Variants in CAPN6 observed in about 807,000 individuals in gnomAD.
CAPN6 encodes calpain 6.
Under a neutral mutation model 46.0 loss-of-function variants are expected in CAPN6, and 16 were observed. The observed-to-expected ratio is 0.35, with a 90% CI of 0.24 to 0.53. CAPN6 has a LOEUF of 0.53. Among genes scored for constraint, CAPN6 ranks in the 20% least tolerant of loss-of-function variants. The probability of loss-of-function intolerance (pLI) is 0.94; values close to 1 mark genes in which losing one functional copy is unlikely to be tolerated. For missense variants in CAPN6, 461 were observed against 498.0 expected (o/e 0.93, Z 0.71); for synonymous variants, 206 against 172.8 (o/e 1.19, Z -1.51).
chrX:111,262,692 A>G (rs188253742), intron 2 of CAPN6, among the ~76,000 whole-genome samples: 7 of 112,072 alleles, frequency 6.2e-5, no homozygotes, highest in African/African-American at 2.3e-4. Context: ...CCCTTTAGGT[A>G]TAGCAAGGTT....
intron 2 of CAPN6, among the ~76,000 whole-genome samples, chrX:111,260,456 CCAGTTAAGTGTG>C (rs2094987058): frequency 8.9e-6 from 1 of 112,736 alleles, no homozygotes; most frequent in Non-Finnish European, 1.9e-5. Context: ...GAAAATAGCC[CCAGTTAAGTGTG>C]CAGCTACATG....
chrX:111,247,411 G>A lies in CAPN6; in HGVS notation c.1700C>T (p.Ala567Val). The A allele has an allele frequency of 1.7e-6, 2 of 1,208,566 alleles. No individual in the cohort carries two copies. The highest frequency in any genetic ancestry group is 2.2e-6 in the Non-Finnish European group (2 of 893,617). Residue 567 changes from alanine (A) to valine (V), a missense_variant, in exon 12 of 13, where the codon GCC becomes GTC. Transcript: ENST00000324068. Reference sequence around the variant, plus strand: ...GTCAGTGGTCCTTCTGTAGAAAATGGCCTGGGTGTCAAAAATGGCATGAAC... The same window carrying A: ...GTCAGTGGTCCTTCTGTAGAAAATGACCTGGGTGTCAAAAATGGCATGAAC... ...NTVHAIFDTQ[A>V]IFYRRTTDIP...
chrX:111,265,908 C>T (rs1427950160), intron 1 of CAPN6, among the ~76,000 whole-genome samples: 1 of 111,433 alleles, frequency 9.0e-6, no homozygotes, highest in Non-Finnish European at 1.9e-5. Flanking sequence ...TGTGTACAGA[C>T]AGAAGTAGCA....
intron 2 of CAPN6, among the ~76,000 whole-genome samples, chrX:111,262,878 T>G (rs1302892612): frequency 1.8e-5 from 2 of 111,879 alleles, no homozygotes; most frequent in Non-Finnish European, 3.8e-5. Flanking sequence ...GACCTACAAT[T>G]CTACTTGAAG....
intron 2 of CAPN6, among the ~76,000 whole-genome samples, chrX:111,257,906 T>C (rs762838291): frequency 8.9e-6 from 1 of 111,779 alleles, no homozygotes; most frequent in South Asian, 3.8e-4. Flanking sequence ...AATGATTTCT[T>C]AGGAAGAAAC....
chrX:111,267,088 A>G (rs1185705903), intron 1 of CAPN6, among the ~76,000 whole-genome samples: 2 of 111,845 alleles, frequency 1.8e-5, no homozygotes, highest in Non-Finnish European at 3.8e-5. Flanking sequence ...TTTCTGTTCT[A>G]TTGCACCCGA....
intron 2 of CAPN6, among the ~76,000 whole-genome samples, chrX:111,257,357 A>T (rs2094984687): frequency 8.9e-6 from 1 of 112,221 alleles, no homozygotes; most frequent in African/African-American, 3.2e-5. Flanking sequence ...TCCAGGATGA[A>T]TATCACTAAT....
intron 11 of CAPN6, among the ~76,000 whole-genome samples, 178 bp from the exon 12 acceptor site, chrX:111,247,682 A>G (rs1170758402): frequency 8.9e-6 from 1 of 111,846 alleles, no homozygotes; most frequent in Non-Finnish European, 1.9e-5. Flanking sequence ...TTTATATAGG[A>G]ATATGAAAAT....
At chrX:111,259,535 T>C (rs1307723541) in intron 2 of CAPN6, among the ~76,000 whole-genome samples, 1 of 112,099 alleles carries the variant, frequency 8.9e-6, no homozygotes, top group Non-Finnish European at 1.9e-5. Context: ...TGCCTTTCCC[T>C]TCCATTCCTA....
chrX:111,246,358 G>A lies in CAPN6; in HGVS notation c.*219C>T. 2.4e-6 allele frequency: 1 copy of A among 413,433 alleles called. No homozygotes were observed. The allele number at this position is 413,433 out of a possible 1,213,427, so 34.1% of individuals were successfully genotyped here. A position where few individuals can be genotyped will look rare whatever the true frequency, so the allele number is the denominator to read the frequency against. On this transcript the variant is annotated 3_prime_UTR_variant, in exon 13 of 13. Coordinates refer to ENST00000324068, the MANE Select transcript of CAPN6 (RefSeq NM_014289.4). Reference sequence around the variant, plus strand: ...GCAAATGTGTATGATGTCTAGATAGGACTGTCGCCTCCCCATGTCCAGCTG... The same window carrying A: ...GCAAATGTGTATGATGTCTAGATAGAACTGTCGCCTCCCCATGTCCAGCTG...
intron 4 of CAPN6, 91 bp downstream of exon 4, chrX:111,252,917 G>T: frequency 1.3e-6 from 1 of 750,748 alleles, no homozygotes; most frequent in Non-Finnish European, 2.0e-6. Flanking sequence ...AAACTCCAGG[G>T]TTGGGCTGGG....
At chrX:111,268,572 T>C (rs2094993701) in intron 1 of CAPN6, among the ~76,000 whole-genome samples, 2 of 112,807 alleles carry the variant, frequency 1.8e-5, no homozygotes, top group Non-Finnish European at 3.7e-5. Flanking sequence ...TAATGAAATT[T>C]GATCATGTGC....
intron 11 of CAPN6, 35 bp downstream of exon 11, chrX:111,247,836 A>T: frequency 8.3e-7 from 1 of 1,197,715 alleles, no homozygotes; most frequent in Non-Finnish European, 1.1e-6. Flanking sequence ...AATGCAACTG[A>T]ATTTTGCTTT....
At chrX:111,258,183 A>AT (rs999613047) in intron 2 of CAPN6, among the ~76,000 whole-genome samples, 27 of 111,285 alleles carry the variant, frequency 2.4e-4, no homozygotes, top group South Asian at 7.6e-4. Context: ...CAAATTCAGC[A>AT]TTTTTTTTAC....
At chrX:111,263,710 G>A in intron 2 of CAPN6, 62 bp downstream of exon 2, 1 of 999,060 alleles carries the variant, frequency 1.0e-6, no homozygotes, top group African/African-American at 1.9e-5. Context: ...GTGAAACAGT[G>A]GATCACGTAG....
chrX:111,251,492 G>A (rs139069057), intron 6 of CAPN6, 57 bp downstream of exon 6: 1 of 1,030,262 alleles, frequency 9.7e-7, no homozygotes, highest in African/African-American at 1.9e-5. Flanking sequence ...GGAGGGATGG[G>A]TCTGGGAGAA....
chrX:111,264,995 A>T (rs965766873), intron 1 of CAPN6, among the ~76,000 whole-genome samples: 9 of 112,248 alleles, frequency 8.0e-5, no homozygotes, highest in Non-Finnish European at 1.5e-4. Flanking sequence ...CATGGTGTCA[A>T]CTATTTCAAA....
chrX:111,256,849 C>T (rs1049217739), intron 2 of CAPN6, among the ~76,000 whole-genome samples: 6 of 104,799 alleles, frequency 5.7e-5, no homozygotes, highest in Admixed American at 1.0e-4. Context: ...TTTGGGACCC[C>T]CCCCCCCACA....
Position 111,263,788 on chromosome X carries a change from A to C in CAPN6, c.149T>G (p.Val50Gly), listed in dbSNP as rs1264992118. The change falls in exon 2 of 13, where the codon GTG becomes GGG. Residue 50 changes from valine (V) to glycine (G), a missense_variant. By Grantham distance (109) the Val-to-Gly change is moderately radical. Coordinates refer to ENST00000324068, the MANE Select transcript of CAPN6 (RefSeq NM_014289.4). ...FYNRLLPGKV[V>G]WKRPQDICDD... ...GAAAGTTACCTGGGGACGTTTCCAC[A>C]CCACCTTTCCAGGAAGCAGTCGGTT... The C allele has an allele frequency of 8.3e-7, 1 of 1,207,891 alleles. No homozygotes were observed. The highest frequency in any genetic ancestry group is 2.2e-5 in the Admixed American group (1 of 45,471).
Sources: allele counts gnomAD v4.1 joint callset (sites outside exome capture counted in the v4.1 genomes callset), GRCh38; gene constraint gnomAD v4.1.1; transcripts MANE v1.5; gene names NCBI Gene and HGNC (gene_info 2026-07-23, HGNC 2026-07-21).